BBX: variants seen among roughly 807,000 people sequenced by gnomAD.
BBX encodes the protein BBX high mobility group box domain containing.
BBX carries 30 observed loss-of-function variants against 100.2 expected under a neutral mutation model. The observed-to-expected ratio is 0.30, with a 90% CI of 0.22 to 0.41. The LOEUF is 0.41. BBX is among the 10% of genes least tolerant of loss of function. BBX has a pLI of 1.00. For missense variants in BBX, 1,023 were observed against 1,129.8 expected (o/e 0.91, Z 1.35); for synonymous variants, 376 against 388.1 (o/e 0.97, Z 0.37).
At chr3:107,737,536 G>T (rs2107560696) in intron 7 of BBX, among the ~76,000 whole-genome samples, 1 of 152,230 alleles carries the variant, frequency 6.6e-6, no homozygotes, top group East Asian at 1.9e-4. Flanking sequence ...GACTGTAAAG[G>T]TCGTGTTCTC....
chr3:107,689,679 G>A (rs1242287471), intron 3 of BBX, among the ~76,000 whole-genome samples: 1 of 152,200 alleles, frequency 6.6e-6, no homozygotes, highest in Non-Finnish European at 1.5e-5. Flanking sequence ...ATATGGAGGA[G>A]TATTTGAGAT....
intron 2 of BBX, among the ~76,000 whole-genome samples, chr3:107,607,829 T>G (rs1441558660): frequency 2.0e-5 from 3 of 152,256 alleles, no homozygotes; most frequent in African/African-American, 7.2e-5. Flanking sequence ...TACCTTTTTA[T>G]ATACCTGTTG....
chr3:107,805,445 C>A lies in BBX; in HGVS notation c.2814C>A (p.Cys938Ter). 1 of 1,614,142 alleles carries A rather than the reference C, an allele frequency of 6.2e-7. No homozygotes were observed. The highest frequency in any genetic ancestry group is 8.5e-7 in the Non-Finnish European group (1 of 1,179,988). ...EMPQAPVLIS[C>*]ADQ ...CGCAGGCTCCTGTACTTATTTCCTG[C>A]GCTGACCAGTGAAGCGCCCTTTCAT... The change falls in exon 18 of 18, where the codon TGC becomes TGA. Residue 938 changes from cysteine (C) to a stop codon, truncating the protein, a stop_gained. Transcript: ENST00000325805. LOFTEE classifies it high-confidence loss of function.
chr3:107,675,635 A>G (rs567570526), intron 3 of BBX, among the ~76,000 whole-genome samples: 15 of 152,284 alleles, frequency 9.9e-5, no homozygotes, highest in African/African-American at 3.4e-4. Flanking sequence ...AAATGAAACT[A>G]TAGTACCTTA....
At chr3:107,532,902 C>T (rs992171789) in intron 2 of BBX, among the ~76,000 whole-genome samples, 6 of 152,062 alleles carry the variant, frequency 3.9e-5, no homozygotes, top group African/African-American at 9.7e-5. Context: ...ATTTTGAAAA[C>T]GCCTCAGTAC....
At chr3:107,713,741 C>A (rs1020278974) in intron 4 of BBX, among the ~76,000 whole-genome samples, 18 of 151,970 alleles carry the variant, frequency 1.2e-4, no homozygotes, top group African/African-American at 4.3e-4. Context: ...TATGGCAGAG[C>A]ACATTCTTCA....
intron 3 of BBX, among the ~76,000 whole-genome samples, chr3:107,705,194 G>A (rs1214491293): frequency 6.6e-6 from 1 of 152,074 alleles, no homozygotes; most frequent in African/African-American, 2.4e-5. Context: ...GTGCGGTTTT[G>A]TAGTCTTAAT....
chr3:107,792,095 C>T (rs183076936), intron 15 of BBX, among the ~76,000 whole-genome samples: 7 of 152,310 alleles, frequency 4.6e-5, no homozygotes, highest in East Asian at 1.9e-4. Context: ...AAATTTCTCA[C>T]GGCCATATTT....
At chr3:107,746,274 A>T (rs1576610962) in intron 8 of BBX, among the ~76,000 whole-genome samples, 1 of 152,292 alleles carries the variant, frequency 6.6e-6, no homozygotes, top group East Asian at 1.9e-4. Flanking sequence ...AATAAGTTGT[A>T]CTGAGTTTAT....
chr3:107,637,317 G>A (rs903423646), intron 2 of BBX, among the ~76,000 whole-genome samples: 3 of 152,192 alleles, frequency 2.0e-5, no homozygotes, highest in African/African-American at 7.2e-5. Context: ...TTCTCTGACT[G>A]AGCATTGACA....
At chr3:107,612,538 T>C (rs945643048) in intron 2 of BBX, among the ~76,000 whole-genome samples, 2 of 152,182 alleles carry the variant, frequency 1.3e-5, no homozygotes, top group African/African-American at 2.4e-5. Flanking sequence ...TCCGAAAGAA[T>C]TCTCTGGGTT....
At chr3:107,732,864 T>G (rs1576550368) in intron 6 of BBX, 92 bp from the exon 7 acceptor site, 1 of 1,039,124 alleles carries the variant, frequency 9.6e-7, no homozygotes, top group East Asian at 2.6e-5. Context: ...GTTGGATTTC[T>G]GATTGCTAGT....
intron 2 of BBX, among the ~76,000 whole-genome samples, chr3:107,638,999 A>G (rs2057035302): frequency 6.6e-6 from 1 of 152,070 alleles, no homozygotes; most frequent in Non-Finnish European, 1.5e-5. Flanking sequence ...AAAAAAGCAA[A>G]GGAATATGTT....
chr3:107,702,789 A>G (rs2108207996), intron 3 of BBX, among the ~76,000 whole-genome samples: 1 of 152,356 alleles, frequency 6.6e-6, no homozygotes, highest in East Asian at 1.9e-4. Flanking sequence ...AGCTGAGGCA[A>G]ACACAGCCTT....
chr3:107,659,921 G>C (rs145762145), intron 3 of BBX, among the ~76,000 whole-genome samples: 1,566 of 152,174 alleles, frequency 0.01, 32 homozygotes, highest in Non-Finnish European at 9.9e-3. Flanking sequence ...AAGTAGTAGG[G>C]TGAATCTCTA....
intron 12 of BBX, among the ~76,000 whole-genome samples, chr3:107,778,161 T>C (rs746722150): frequency 7.9e-5 from 12 of 152,150 alleles, no homozygotes; most frequent in Non-Finnish European, 1.8e-4. Flanking sequence ...TCTAAGGTAA[T>C]AACATAACCT....
intron 3 of BBX, among the ~76,000 whole-genome samples, chr3:107,687,959 G>A (rs543133714): frequency 1.2e-4 from 18 of 152,226 alleles, no homozygotes; most frequent in Non-Finnish European, 1.2e-4. Context: ...GGAGGCTGAG[G>A]CAGGAGAATC....
chr3:107,631,166 G>T (rs1053790649), intron 2 of BBX, among the ~76,000 whole-genome samples: 1 of 152,176 alleles, frequency 6.6e-6, no homozygotes, highest in Non-Finnish European at 1.5e-5. Context: ...CTGGACAGGA[G>T]TCTTTTCCAT....
At chr3:107,711,959 T>C (rs779305514) in intron 4 of BBX, among the ~76,000 whole-genome samples, 10 of 152,124 alleles carry the variant, frequency 6.6e-5, no homozygotes, top group Non-Finnish European at 1.3e-4. Context: ...GTAGCTTCCA[T>C]CCACCTCCCA....
Sources: gnomAD v4.1 joint callset for allele counts (sites outside exome capture counted in the v4.1 genomes callset) on GRCh38, gnomAD v4.1.1 for gene constraint, MANE v1.5 for transcripts, NCBI Gene and HGNC (gene_info 2026-07-23, HGNC 2026-07-21) for gene names.